The following MED12L variants were observed in gnomAD, a reference collection of about 807,000 sequenced individuals.
MED12L encodes mediator of RNA polymerase II transcription subunit 12-like protein.
In MED12L, 60 loss-of-function variants were observed where a neutral mutation model predicts 281.3. The ratio of observed to expected loss-of-function variants is 0.21; its 90% CI spans 0.17 to 0.26. The LOEUF is 0.26. Among genes scored for constraint, MED12L ranks in the 10% least tolerant of loss-of-function variants. MED12L has a pLI of 1.00. For missense variants in MED12L, 2,146 were observed against 2,680.9 expected (o/e 0.80, Z 4.41); for synonymous variants, 974 against 987.2 (o/e 0.99, Z 0.25).
At chr3:151,360,148 T>A (rs1754432686) in intron 20 of MED12L, among the ~76,000 whole-genome samples, 1 of 152,180 alleles carries the variant, frequency 6.6e-6, no homozygotes, top group Non-Finnish European at 1.5e-5. Context: ...GCAGGGGCTC[T>A]CTACAACAGT....
chr3:151,237,676 C>A (rs894712727), intron 16 of MED12L, among the ~76,000 whole-genome samples: 5 of 152,082 alleles, frequency 3.3e-5, no homozygotes, highest in Non-Finnish European at 7.4e-5. Context: ...AAAGAAGTTA[C>A]ACTAGTTTAT....
At chr3:151,229,398 C>T (rs1308252157) in intron 16 of MED12L, among the ~76,000 whole-genome samples, 25 of 151,218 alleles carry the variant, frequency 1.7e-4, no homozygotes, top group Non-Finnish European at 2.7e-4. Context: ...ACCTCGCCTC[C>T]CGGGTTCAAG....
intron 2 of MED12L, among the ~76,000 whole-genome samples, chr3:151,112,297 T>G (rs1712029819): frequency 6.6e-6 from 1 of 151,448 alleles, no homozygotes; most frequent in Admixed American, 6.6e-5. Flanking sequence ...TTTTTTTTTT[T>G]TGAGATGGAG....
chr3:151,337,034 A>G (rs966257535), intron 16 of MED12L: 17 of 152,366 alleles, frequency 1.1e-4, no homozygotes, highest in Admixed American at 9.8e-4. Flanking sequence ...GCTAATTAAT[A>G]AAGGTAAGTG....
chr3:151,165,386 A>C, intron 9 of MED12L, 34 bp from the exon 10 acceptor site: 1 of 1,569,542 alleles, frequency 6.4e-7, no homozygotes. Flanking sequence ...GTGGCATTCC[A>C]AGCACAAGTT....
At chr3:151,335,622 A>G (rs1405662500) in intron 16 of MED12L, among the ~76,000 whole-genome samples, 1 of 152,176 alleles carries the variant, frequency 6.6e-6, no homozygotes, top group East Asian at 1.9e-4. Context: ...AAAAAAGTAA[A>G]ACTCACTGTG....
Position 151,355,111 on chromosome 3 carries a change from G to A in MED12L, c.2399-10G>A. On this transcript the variant is annotated splice_polypyrimidine_tract_variant and intron_variant, in intron 17 of 44. Transcript: ENST00000687756. ...ATGGAAAATAATGGATCTGCTTTATGTTTATGTAGTTGGGGACGAAGGACA... is the reference window on the plus strand; with the variant it reads ...ATGGAAAATAATGGATCTGCTTTATATTTATGTAGTTGGGGACGAAGGACA... The A allele has an allele frequency of 6.3e-7, 1 of 1,596,814 alleles. No homozygotes were observed. Among genetic ancestry groups the A allele is most frequent in the South Asian group, 1.1e-5 (1 of 90,554 alleles).
chr3:151,169,327 G>C (rs1206309826), intron 11 of MED12L, among the ~76,000 whole-genome samples: 1 of 151,876 alleles, frequency 6.6e-6, no homozygotes, highest in Non-Finnish European at 1.5e-5. Context: ...CACCATGTTG[G>C]CCAGGCTGGT....
chr3:151,244,518 C>T, intron 16 of MED12L, among the ~76,000 whole-genome samples: 1 of 149,006 alleles, frequency 6.7e-6, no homozygotes, highest in East Asian at 2.0e-4. Flanking sequence ...TGAATGACTA[C>T]TGGGTACATA....
intron 16 of MED12L, among the ~76,000 whole-genome samples, chr3:151,319,812 A>G (rs1748777657): frequency 6.6e-6 from 1 of 152,206 alleles, no homozygotes; most frequent in Non-Finnish European, 1.5e-5. Context: ...CAAACTGGCA[A>G]CAAACTAAAC....
At chr3:151,240,302 T>C (rs904564243) in intron 16 of MED12L, among the ~76,000 whole-genome samples, 5 of 152,228 alleles carry the variant, frequency 3.3e-5, no homozygotes, top group Non-Finnish European at 5.9e-5. Flanking sequence ...TTACCCTTTA[T>C]TTCTGTGATT....
intron 39 of MED12L, among the ~76,000 whole-genome samples, chr3:151,407,829 C>T (rs1716504395): frequency 6.6e-6 from 1 of 151,866 alleles, no homozygotes; most frequent in Admixed American, 6.6e-5. Context: ...AGATAGTCAC[C>T]TAGAGAGATG....
At chr3:151,161,103 G>C (rs971537391) in intron 8 of MED12L, among the ~76,000 whole-genome samples, 3 of 152,226 alleles carry the variant, frequency 2.0e-5, no homozygotes, top group Admixed American at 2.0e-4. Flanking sequence ...ATGCAGCAAA[G>C]TGACACAGGT....
rs768340187 is a variant in MED12L, at chr3:151,188,467, G to T, written c.1740G>T (p.Gln580His). 6.2e-7 allele frequency: 1 copy of T among 1,612,368 alleles called. No homozygotes were observed. The highest frequency in any genetic ancestry group is 8.5e-7 in the Non-Finnish European group (1 of 1,179,038). The change falls in exon 13 of 45, where the codon CAG becomes CAT. Residue 580 changes from glutamine (Q) to histidine (H), a missense_variant. Gln to His is a conservative substitution (Grantham distance 24). Coordinates refer to ENST00000687756, the MANE Select transcript of MED12L (RefSeq NM_001393769.1). Reference sequence around the variant, plus strand: ...TGCTGTTAAGGTTTTTAGATACACAGGCCCCCTCTTTGTGTAAGTAGAGAA... The same window carrying T: ...TGCTGTTAAGGTTTTTAGATACACATGCCCCCTCTTTGTGTAAGTAGAGAA... ...QNVLLRFLDTQAPSLSDPNSE... is the reference protein window; with the variant it reads ...QNVLLRFLDTHAPSLSDPNSE...
At chr3:151,338,295 A>G in intron 16 of MED12L, 1 of 1,614,150 alleles carries the variant, frequency 6.2e-7, no homozygotes, top group Non-Finnish European at 8.5e-7. Flanking sequence ...ATGCCAGACT[A>G]GACCGAACTC....
At chr3:151,370,957 G>A (rs1340717020) in intron 26 of MED12L, among the ~76,000 whole-genome samples, 1 of 152,164 alleles carries the variant, frequency 6.6e-6, no homozygotes, top group African/African-American at 2.4e-5. Flanking sequence ...AAGAAGTCAG[G>A]ATCAGGTCAG....
At chr3:151,327,826 G>T in intron 16 of MED12L, 1 of 498,576 alleles carries the variant, frequency 2.0e-6, no homozygotes, top group Non-Finnish European at 3.5e-6. Flanking sequence ...TTCAGCTTAT[G>T]AATAGATCTA....
At chr3:151,139,089 A>C (rs1486829040) in intron 5 of MED12L, among the ~76,000 whole-genome samples, 1 of 152,128 alleles carries the variant, frequency 6.6e-6, no homozygotes. Context: ...TGTTTACTTC[A>C]TCTTTTGGTT....
intron 16 of MED12L, among the ~76,000 whole-genome samples, chr3:151,244,519 TG>T (rs1196632309): frequency 3.5e-4 from 52 of 149,098 alleles, no homozygotes; most frequent in Non-Finnish European, 6.6e-4. Context: ...GAATGACTAC[TG>T]GGTACATAAC....
Sources: gnomAD v4.1 joint callset for allele counts (sites outside exome capture counted in the v4.1 genomes callset) on GRCh38, gnomAD v4.1.1 for gene constraint, MANE v1.5 for transcripts, NCBI Gene and HGNC (gene_info 2026-07-23, HGNC 2026-07-21) for gene names.